Variants in CHCHD6 observed in about 807,000 individuals in gnomAD.
The protein encoded by CHCHD6 is MICOS complex subunit MIC25.
In CHCHD6, 28 loss-of-function variants were observed where a neutral mutation model predicts 32.3. The observed-to-expected ratio is 0.87, with a 90% CI of 0.64 to 1.19. The LOEUF (loss-of-function observed/expected upper bound fraction) is 1.19, where lower values mean the gene tolerates loss of function less well. CHCHD6 is among the 50% of genes most tolerant of loss of function. The pLI is 0.00. For missense variants in CHCHD6, 333 were observed against 307.0 expected, an observed-to-expected ratio of 1.08 and a Z score of -0.63; for synonymous variants, 122 against 117.5, an observed-to-expected ratio of 1.04 and a Z score of -0.25.
At chr3:126,876,881 G>A (rs1264489350) in intron 5 of CHCHD6, among the ~76,000 whole-genome samples, 2 of 152,184 alleles carry the variant, frequency 1.3e-5, no homozygotes, top group Non-Finnish European at 1.5e-5. Context: ...TATGATAAGA[G>A]AGAAAGCAGC....
chr3:126,857,414 G>A (rs572725518), intron 5 of CHCHD6, among the ~76,000 whole-genome samples: 58 of 152,302 alleles, frequency 3.8e-4, no homozygotes, highest in African/African-American at 1.4e-3. Context: ...CTTCCTCCCT[G>A]TACCTTTCAG....
intron 6 of CHCHD6, among the ~76,000 whole-genome samples, chr3:126,945,849 A>C (rs1200699889): frequency 1.3e-5 from 2 of 151,714 alleles, no homozygotes; most frequent in African/African-American, 4.8e-5. Context: ...TGAGGGGGGA[A>C]GTGAATTAGC....
At chr3:126,740,524 A>G (rs545193076) in intron 4 of CHCHD6, among the ~76,000 whole-genome samples, 6 of 152,320 alleles carry the variant, frequency 3.9e-5, no homozygotes, top group African/African-American at 1.4e-4. Flanking sequence ...GGCCAAAGTG[A>G]TGGGACTGAC....
At chr3:126,886,070 G>A (rs555395471) in intron 5 of CHCHD6, among the ~76,000 whole-genome samples, 1 of 152,206 alleles carries the variant, frequency 6.6e-6, no homozygotes, top group African/African-American at 2.4e-5. Flanking sequence ...GATAGGGGAG[G>A]CTGCTAGATT....
chr3:126,913,205 GCCTT>G (rs2078119130), intron 5 of CHCHD6, among the ~76,000 whole-genome samples: 1 of 96,826 alleles, frequency 1.0e-5, no homozygotes, highest in African/African-American at 4.3e-5. Flanking sequence ...GCCCGTATGA[GCCTT>G]TTTTTTTTTT....
intron 5 of CHCHD6, among the ~76,000 whole-genome samples, chr3:126,891,921 T>A (rs377229606): frequency 6.6e-6 from 1 of 152,060 alleles, no homozygotes; most frequent in Non-Finnish European, 1.5e-5. Flanking sequence ...TCTGGGGTAA[T>A]GAAATCTAAG....
chr3:126,801,243 CCGAAGCAGGG>C (rs1485967155), intron 4 of CHCHD6, among the ~76,000 whole-genome samples: 2 of 152,230 alleles, frequency 1.3e-5, no homozygotes, highest in African/African-American at 4.8e-5. Context: ...CGTGCGCAAG[CCGAAGCAGGG>C]CGAGGCATTG....
chr3:126,721,419 G>T (rs1224617168), intron 1 of CHCHD6, among the ~76,000 whole-genome samples: 7 of 152,180 alleles, frequency 4.6e-5, no homozygotes, highest in Non-Finnish European at 7.3e-5. Context: ...ATGGGATGGA[G>T]CTTCTCCTGT....
intron 6 of CHCHD6, among the ~76,000 whole-genome samples, chr3:126,922,295 G>A (rs1049442156): frequency 6.6e-6 from 1 of 152,228 alleles, no homozygotes; most frequent in African/African-American, 2.4e-5. Context: ...CCATTCTGCA[G>A]ATGTGGAAAT....
At chr3:126,950,153 T>G (rs564529534) in intron 6 of CHCHD6, among the ~76,000 whole-genome samples, 1 of 151,934 alleles carries the variant, frequency 6.6e-6, no homozygotes, top group South Asian at 2.1e-4. Context: ...ACACAGAGGA[T>G]TGTCATGGAT....
chr3:126,776,627 TAGC>T (rs1407948833), intron 4 of CHCHD6, among the ~76,000 whole-genome samples: 1 of 152,220 alleles, frequency 6.6e-6, no homozygotes, highest in African/African-American at 2.4e-5. Context: ...CAAATATTGA[TAGC>T]AACAACAGCA....
intron 5 of CHCHD6, among the ~76,000 whole-genome samples, chr3:126,857,137 G>A (rs567072782): frequency 6.6e-6 from 1 of 152,272 alleles, no homozygotes; most frequent in East Asian, 1.9e-4. Flanking sequence ...GACAGCTGTG[G>A]CTCCTGCCTC....
intron 4 of CHCHD6, among the ~76,000 whole-genome samples, chr3:126,816,247 G>A (rs1056663752): frequency 3.3e-5 from 5 of 152,166 alleles, no homozygotes; most frequent in Non-Finnish European, 7.3e-5. Context: ...GGAATGTCAG[G>A]GGAATGATGG....
At chr3:126,850,582 C>T (rs549678503) in intron 4 of CHCHD6, among the ~76,000 whole-genome samples, 10 of 152,272 alleles carry the variant, frequency 6.6e-5, no homozygotes, top group East Asian at 5.8e-4. Context: ...GATGTGTGAA[C>T]GCACCTCCTT....
chr3:126,741,973 T>G (rs1176600514), intron 4 of CHCHD6, among the ~76,000 whole-genome samples: 1 of 152,200 alleles, frequency 6.6e-6, no homozygotes, highest in African/African-American at 2.4e-5. Context: ...GATGAATAGC[T>G]TTGTTGGGCT....
intron 6 of CHCHD6, chr3:126,957,093 G>A: frequency 2.4e-6 from 1 of 408,810 alleles, no homozygotes; most frequent in Non-Finnish European, 4.6e-6. Flanking sequence ...TCCTCATGGG[G>A]GCCCTCCAGT....
At chr3:126,927,566 A>C (rs770186007) in intron 6 of CHCHD6, among the ~76,000 whole-genome samples, 3 of 152,150 alleles carry the variant, frequency 2.0e-5, no homozygotes, top group Non-Finnish European at 4.4e-5. Flanking sequence ...TAGAGACTAC[A>C]ATTTATTAAT....
chr3:126,792,563 A>C (rs1236037585), intron 4 of CHCHD6, among the ~76,000 whole-genome samples: 1 of 151,954 alleles, frequency 6.6e-6, no homozygotes, highest in Non-Finnish European at 1.5e-5. Flanking sequence ...GTTTCTGGAG[A>C]GCTCCCTGTT....
chr3:126,867,426 T>G (rs1040880450), intron 5 of CHCHD6, among the ~76,000 whole-genome samples: 1 of 152,214 alleles, frequency 6.6e-6, no homozygotes, highest in Non-Finnish European at 1.5e-5. Context: ...TTAAGCCAGC[T>G]AAATAGGTAC....
Sources: gnomAD v4.1 joint callset for allele counts (sites outside exome capture counted in the v4.1 genomes callset) on GRCh38, gnomAD v4.1.1 for gene constraint, MANE v1.5 for transcripts, NCBI Gene and HGNC (gene_info 2026-07-23, HGNC 2026-07-21) for gene names.